The following SEMA6D variants were observed in gnomAD, a reference collection of about 807,000 sequenced individuals.
SEMA6D encodes the protein semaphorin 6D, also known as semaphorin-6D.
A neutral mutation model predicts 106.6 loss-of-function variants in SEMA6D; 35 were observed. That is an observed-to-expected ratio of 0.33 (90% confidence interval 0.25 to 0.44). The LOEUF is 0.44. SEMA6D is among the 20% of genes least tolerant of loss of function. SEMA6D has a pLI of 1.00. For missense variants in SEMA6D, 1,185 were observed against 1,345.9 expected, an observed-to-expected ratio of 0.88 and a Z score of 1.87; for synonymous variants, 499 against 487.7, an observed-to-expected ratio of 1.02 and a Z score of -0.31.
intron 4 of SEMA6D, among the ~76,000 whole-genome samples, chr15:47,677,306 G>A (rs1460072745): frequency 6.6e-6 from 1 of 152,152 alleles, no homozygotes; most frequent in African/African-American, 2.4e-5. Context: ...TGATTGTATT[G>A]CCTGTATATG....
intron 1 of SEMA6D, among the ~76,000 whole-genome samples, chr15:47,392,344 G>C (rs2145835756): frequency 6.6e-6 from 1 of 152,326 alleles, no homozygotes; most frequent in Non-Finnish European, 1.5e-5. Context: ...AAGGGACTTT[G>C]AAGATGTGAT....
At chr15:47,410,666 A>C (rs1469959574) in intron 1 of SEMA6D, among the ~76,000 whole-genome samples, 1 of 152,130 alleles carries the variant, frequency 6.6e-6, no homozygotes, top group Non-Finnish European at 1.5e-5. Context: ...GTTCTTCTTG[A>C]AAATATATAG....
intron 1 of SEMA6D, among the ~76,000 whole-genome samples, chr15:47,283,747 A>G (rs2035237457): frequency 6.6e-6 from 1 of 152,124 alleles, no homozygotes; most frequent in Non-Finnish European, 1.5e-5. Flanking sequence ...CACTTCTTAT[A>G]TGTGTGAGCC....
intron 4 of SEMA6D, among the ~76,000 whole-genome samples, chr15:47,667,106 C>G (rs1224077454): frequency 6.6e-6 from 1 of 152,172 alleles, no homozygotes; most frequent in Non-Finnish European, 1.5e-5. Flanking sequence ...ACTGAAGCAC[C>G]AGAAACCACA....
intron 4 of SEMA6D, among the ~76,000 whole-genome samples, chr15:47,612,371 C>T (rs571497755): frequency 6.6e-6 from 1 of 152,214 alleles, no homozygotes; most frequent in Admixed American, 6.5e-5. Flanking sequence ...CCCTTGCCTA[C>T]CTAAACAGAA....
intron 1 of SEMA6D, among the ~76,000 whole-genome samples, chr15:47,333,791 A>T (rs2037440373): frequency 6.6e-6 from 1 of 152,212 alleles, no homozygotes; most frequent in African/African-American, 2.4e-5. Flanking sequence ...AGGTGTTATG[A>T]TAGGTATATT....
intron 3 of SEMA6D, among the ~76,000 whole-genome samples, chr15:47,527,327 A>G (rs2044795247): frequency 6.6e-6 from 1 of 152,252 alleles, no homozygotes; most frequent in Non-Finnish European, 1.5e-5. Flanking sequence ...TTAAAAATGT[A>G]TGAGTATCTT....
At chr15:47,397,567 G>T (rs2040257584) in intron 1 of SEMA6D, 1 of 152,064 alleles carries the variant, frequency 6.6e-6, no homozygotes, top group Non-Finnish European at 1.5e-5. Context: ...GAGAGGATTT[G>T]CTTTTCCAGC....
chr15:47,713,185 C>G (rs2079051790), upstream of SEMA6D, among the ~76,000 whole-genome samples: 1 of 152,176 alleles, frequency 6.6e-6, no homozygotes, highest in South Asian at 2.1e-4. Flanking sequence ...TTTATTAGTT[C>G]CATAAATGCA....
At chr15:47,589,531 T>C (rs2076401543) in intron 3 of SEMA6D, among the ~76,000 whole-genome samples, 1 of 152,252 alleles carries the variant, frequency 6.6e-6, no homozygotes, top group Non-Finnish European at 1.5e-5. Context: ...ATGTTTCTCT[T>C]CCTCTTTCAA....
chr15:47,316,486 TG>T (rs1382294705), intron 1 of SEMA6D, among the ~76,000 whole-genome samples: 4 of 152,050 alleles, frequency 2.6e-5, no homozygotes, highest in African/African-American at 9.7e-5. Context: ...CTCATCTTAG[TG>T]GGAAGGCTTT....
At chr15:47,439,698 T>C (rs772715721) in intron 2 of SEMA6D, among the ~76,000 whole-genome samples, 2 of 152,162 alleles carry the variant, frequency 1.3e-5, no homozygotes, top group Non-Finnish European at 2.9e-5. Context: ...CTGAACACTT[T>C]ATACCTAATT....
rs1252677790 is a variant in SEMA6D, at chr15:47,541,517, C to T, written c.-86-59348C>T. ...AAACTGATGTTTCTAACAGCATTTT[C>T]TATGTAGTAAGATGGTGCCAGAGAC... On this transcript the variant is annotated intron_variant, in intron 3 of 19. Coordinates refer to the SEMA6D transcript ENST00000558014. Among the ~76,000 whole-genome samples, 12 of 152,186 alleles carry T rather than the reference C, an allele frequency of 7.9e-5. No individual in the cohort carries two copies. The East Asian group carries it at 2.1e-3, about 27-fold the overall frequency.
chr15:47,494,277 A>G (rs929416607), intron 3 of SEMA6D, among the ~76,000 whole-genome samples: 6 of 152,096 alleles, frequency 3.9e-5, no homozygotes, highest in African/African-American at 9.7e-5. Context: ...ATCGCTTTCT[A>G]TATTCTAGAA....
chr15:47,278,797 G>A (rs1186392455), intron 1 of SEMA6D, among the ~76,000 whole-genome samples: 4 of 148,404 alleles, frequency 2.7e-5, no homozygotes, highest in African/African-American at 1.0e-4. Context: ...TGTATAAGGT[G>A]TAAGGAAGGG....
chr15:47,425,848 G>T (rs1332679625), intron 2 of SEMA6D, among the ~76,000 whole-genome samples: 1 of 151,674 alleles, frequency 6.6e-6, no homozygotes, highest in Admixed American at 6.6e-5. Flanking sequence ...TTTTAGGACT[G>T]GAAACAAATT....
chr15:47,522,874 G>T (rs963261046), intron 3 of SEMA6D, among the ~76,000 whole-genome samples: 1 of 152,188 alleles, frequency 6.6e-6, no homozygotes, highest in African/African-American at 2.4e-5. Context: ...CAGGTTAAGG[G>T]AAATCTATAA....
upstream of SEMA6D, chr15:47,717,013 G>A (rs1392526851): frequency 1.3e-5 from 2 of 152,164 alleles, no homozygotes; most frequent in African/African-American, 4.8e-5. Context: ...AGAACTTCAC[G>A]GAACAACTGC....
At chr15:47,269,013 A>G (rs2034444602) in intron 1 of SEMA6D, among the ~76,000 whole-genome samples, 1 of 152,180 alleles carries the variant, frequency 6.6e-6, no homozygotes, top group Admixed American at 6.5e-5. Context: ...CAGCAAAAAC[A>G]GTTGACATTT....
Sources: allele counts gnomAD v4.1 joint callset (sites outside exome capture counted in the v4.1 genomes callset), GRCh38; gene constraint gnomAD v4.1.1; transcripts MANE v1.5; gene names NCBI Gene and HGNC (gene_info 2026-07-23, HGNC 2026-07-21).